The following ERGIC3 variants were observed in gnomAD, a reference collection of about 807,000 sequenced individuals.
ERGIC3 encodes the protein ERGIC and golgi 3.
A neutral mutation model predicts 54.7 loss-of-function variants in ERGIC3; 33 were observed. That is an observed-to-expected ratio of 0.60 (90% confidence interval 0.46 to 0.81). The LOEUF is 0.81. Ranked by LOEUF, ERGIC3 falls within the 30% of genes least tolerant of loss-of-function variation. ERGIC3 has a pLI of 0.00. For missense variants in ERGIC3, 399 were observed against 488.4 expected, an observed-to-expected ratio of 0.82 and a Z score of 1.73; for synonymous variants, 186 against 189.8, an observed-to-expected ratio of 0.98 and a Z score of 0.16.
intron 7 of ERGIC3, among the ~76,000 whole-genome samples, chr20:35,553,012 A>C (rs1276816273): frequency 2.0e-5 from 1 of 49,674 alleles, no homozygotes; most frequent in Non-Finnish European, 5.2e-5. Flanking sequence ...TGAGCTTCAA[A>C]GCTGGGGATT....
At chr20:35,554,454 G>T in intron 7 of ERGIC3, 1 of 1,572,576 alleles carries the variant, frequency 6.4e-7, no homozygotes, top group Non-Finnish European at 8.6e-7. Flanking sequence ...CTAGAATGGC[G>T]GGGAGGTTGG....
chr20:35,554,419 C>T (rs1568872486), intron 7 of ERGIC3: 1 of 1,613,748 alleles, frequency 6.2e-7, no homozygotes, highest in East Asian at 2.2e-5. Context: ...AGGCCAAACC[C>T]CTACTTCTGG....
At chr20:35,543,222 G>T in intron 4 of ERGIC3, 1 of 391,228 alleles carries the variant, frequency 2.6e-6, no homozygotes, top group South Asian at 2.1e-5. Context: ...GGTCTTATGT[G>T]CTCTTGCCTT....
At position 35,549,128 on chromosome 20, in the gene ERGIC3, C is replaced by A. The variant is rs1214449083; in HGVS notation, c.685+263C>A. On this transcript the variant is annotated intron_variant, in intron 7 of 12. Transcript: ENST00000348547. Reference sequence around the variant, plus strand: ...TAATCTTTTTGACTCCTGTTTTCTACTTTATAAAATGTTGTGAGGGCACTT... The same window carrying A: ...TAATCTTTTTGACTCCTGTTTTCTAATTTATAAAATGTTGTGAGGGCACTT... 2.0e-5 allele frequency: 9 copies of A among 452,174 alleles called. No individual in the cohort carries two copies. In the Admixed American group the frequency reaches 2.8e-4, roughly 14 times the overall value. 28.0% of individuals were successfully genotyped at this position (452,174 alleles called of 1,614,324 possible).
At chr20:35,542,233 C>G in intron 1 of ERGIC3, 48 bp downstream of exon 1, 1 of 1,605,940 alleles carries the variant, frequency 6.2e-7, no homozygotes, top group Non-Finnish European at 8.5e-7. Flanking sequence ...CGTCCTAGAG[C>G]TTAGCCCGGG....
At chr20:35,544,381 T>C in intron 4 of ERGIC3, 1 of 279,752 alleles carries the variant, frequency 3.6e-6, no homozygotes. Context: ...AATTTATTTT[T>C]TTTCTGTCAA....
In ERGIC3 at chr20:35,542,103, G is replaced by A. The variant is rs2064614553; in HGVS notation, c.6G>A (p.Glu2=). The A allele has an allele frequency of 6.5e-7, 1 of 1,548,292 alleles. No individual in the cohort carries two copies. The change falls in exon 1 of 13, where the codon GAG becomes GAA. Residue 2 remains glutamate, a synonymous_variant. Coordinates refer to ENST00000348547, the MANE Select transcript of ERGIC3 (RefSeq NM_015966.3). M[E]ALGKLKQFDA... is the part of the protein sequence containing the mutation. The stretch of plus-strand genomic sequence containing the variant: ...CCCCTTTCCGGCCGGTCCCCATGGA[G>A]GCGCTGGGGAAGCTGAAGCAGTTCG...
chr20:35,549,075 C>T, intron 7 of ERGIC3: 1 of 684,450 alleles, frequency 1.5e-6, no homozygotes, highest in Non-Finnish European at 2.7e-6. Flanking sequence ...TCAGACCTTA[C>T]TGGCTGTGTG....
chr20:35,551,966 A>C (rs1568871561), intron 7 of ERGIC3, among the ~76,000 whole-genome samples: 1 of 152,116 alleles, frequency 6.6e-6, no homozygotes, highest in African/African-American at 2.4e-5. Flanking sequence ...AGGCTTTTCT[A>C]AGGAGGGTGA....
chr20:35,554,485 C>G, intron 7 of ERGIC3: 1 of 1,345,772 alleles, frequency 7.4e-7, no homozygotes, highest in Non-Finnish European at 1.1e-6. Flanking sequence ...GATTGGGTCT[C>G]CTCTGACCTG....
At chr20:35,554,810 G>C in intron 7 of ERGIC3, 1 of 616,392 alleles carries the variant, frequency 1.6e-6, no homozygotes, top group South Asian at 1.9e-5. Context: ...CCCTGTGGAC[G>C]TCAGGGAGGA....
rs747827771 is a variant in ERGIC3, at chr20:35,556,993, C to G, written c.900C>G (p.Phe300Leu). The G allele has an allele frequency of 6.2e-7, 1 of 1,614,222 alleles. No individual in the cohort carries two copies. Among genetic ancestry groups the G allele is most frequent in the East Asian group, 2.2e-5 (1 of 44,888 alleles). Residue 300 changes from phenylalanine (F) to leucine (L), a missense_variant, in exon 11 of 13, where the codon TTC becomes TTG. Transcript: ENST00000348547. Reference sequence around the variant, plus strand: ...CCCAGGTACTGAGGACAAATCAGTTCTCTGTGACCAGACATGAGAAGGTTG... The same window carrying G: ...CCCAGGTACTGAGGACAAATCAGTTGTCTGTGACCAGACATGAGAAGGTTG... ...VDGEVLRTNQFSVTRHEKVAN... is the reference protein window; with the variant it reads ...VDGEVLRTNQLSVTRHEKVAN...
chr20:35,549,048 G>T (rs1218454350), intron 7 of ERGIC3, 183 bp downstream of exon 7: 2 of 710,460 alleles, frequency 2.8e-6, no homozygotes, highest in Admixed American at 2.1e-5. Flanking sequence ...CAGACTGCCT[G>T]CATTCAGATA....
intron 7 of ERGIC3, among the ~76,000 whole-genome samples, chr20:35,553,020 A>ATTTTGTTTTTTTTTTTTTTTTTTTTT (rs2064689830): frequency 2.4e-5 from 1 of 41,552 alleles, no homozygotes; most frequent in Admixed American, 4.5e-4. Context: ...AAAGCTGGGG[A>ATTTTGTTTTTTTTTTTTTTTTTTTTT]TTTTTTTTTT....
At chr20:35,555,194 T>G in intron 8 of ERGIC3, 119 bp downstream of exon 8, 1 of 1,174,152 alleles carries the variant, frequency 8.5e-7, no homozygotes, top group South Asian at 1.3e-5. Flanking sequence ...TACACCACGT[T>G]CTGAATGGGG....
chr20:35,549,703 CTTG>C (rs1477022976), intron 7 of ERGIC3: 1 of 157,328 alleles, frequency 6.4e-6, no homozygotes, highest in African/African-American at 2.4e-5. Flanking sequence ...GTGGCATGAT[CTTG>C]ACTCACTGCA....
chr20:35,556,225 A>G lies in ERGIC3; in HGVS notation c.833A>G (p.Tyr278Cys). The G allele has an allele frequency of 6.2e-7, 1 of 1,614,150 alleles. No individual in the cohort carries two copies. The highest frequency in any genetic ancestry group is 8.5e-7 in the Non-Finnish European group (1 of 1,180,014). ...CCCTCAGCCTCCATGATGTTCCAGTACTTTGTGAAGGTGGTGCCCACTGTG... is the reference window on the plus strand; with the variant it reads ...CCCTCAGCCTCCATGATGTTCCAGTGCTTTGTGAAGGTGGTGCCCACTGTG... ...TAPQASMMFQ[Y>C]FVKVVPTVYM... The change falls in exon 10 of 13, where the codon TAC becomes TGC. Residue 278 changes from tyrosine to cysteine, a missense_variant. Physicochemically the swap from Tyr to Cys is radical, Grantham distance 194. Coordinates refer to ENST00000348547, the MANE Select transcript of ERGIC3 (RefSeq NM_015966.3).
At chr20:35,551,805 A>G (rs1460429823) in intron 7 of ERGIC3, among the ~76,000 whole-genome samples, 1 of 152,192 alleles carries the variant, frequency 6.6e-6, no homozygotes, top group African/African-American at 2.4e-5. Flanking sequence ...GCCTTGACTG[A>G]GTCATTTAAG....
intron 7 of ERGIC3, among the ~76,000 whole-genome samples, chr20:35,551,665 TGGA>T (rs2064682588): frequency 6.6e-6 from 1 of 152,144 alleles, no homozygotes; most frequent in Non-Finnish European, 1.5e-5. Flanking sequence ...TAGGGGAGAC[TGGA>T]GGAGGAGTGT....
Sources: allele counts gnomAD v4.1 joint callset (sites outside exome capture counted in the v4.1 genomes callset), GRCh38; gene constraint gnomAD v4.1.1; transcripts MANE v1.5; gene names NCBI Gene and HGNC (gene_info 2026-07-23, HGNC 2026-07-21).